GRIP1: variants seen among roughly 807,000 people sequenced by gnomAD.
The protein encoded by GRIP1 is glutamate receptor-interacting protein 1.
In GRIP1, 45 loss-of-function variants were observed where a neutral mutation model predicts 129.9. The observed-to-expected ratio is 0.35, with a 90% confidence interval of 0.27 to 0.44. GRIP1 has a LOEUF of 0.44. Ranked by LOEUF, GRIP1 falls within the 20% of genes least tolerant of loss-of-function variation. GRIP1 has a pLI of 1.00. For synonymous variants in GRIP1, 530 were observed against 520.8 expected, an observed-to-expected ratio of 1.02 and a Z score of -0.24; for missense variants, 1,196 against 1,396.8, an observed-to-expected ratio of 0.86 and a Z score of 2.29.
intron 4 of GRIP1, among the ~76,000 whole-genome samples, chr12:66,531,026 G>A (rs2061425814): frequency 6.6e-6 from 1 of 151,696 alleles, no homozygotes; most frequent in Non-Finnish European, 1.5e-5. Flanking sequence ...CACAAGGTCA[G>A]GAATTCAAGG....
chr12:66,567,721 C>A, intron 2 of GRIP1: 1 of 219,768 alleles, frequency 4.6e-6, no homozygotes, highest in South Asian at 8.0e-5. Context: ...CATTCCCCTT[C>A]AGTTGAGCAG....
At chr12:66,849,100 G>T (rs942839375) in intron 1 of GRIP1, among the ~76,000 whole-genome samples, 1 of 152,038 alleles carries the variant, frequency 6.6e-6, no homozygotes, top group African/African-American at 2.4e-5. Flanking sequence ...TTAACAGCCC[G>T]CAAGACAAAA....
intron 1 of GRIP1, among the ~76,000 whole-genome samples, chr12:66,886,759 C>A (rs1002777902): frequency 6.6e-6 from 1 of 152,110 alleles, no homozygotes; most frequent in Non-Finnish European, 1.5e-5. Flanking sequence ...ATCTATATAT[C>A]ATCATACCAC....
At chr12:66,528,195 C>T (rs2061328323) in intron 5 of GRIP1, among the ~76,000 whole-genome samples, 1 of 136,772 alleles carries the variant, frequency 7.3e-6, no homozygotes, top group African/African-American at 2.8e-5. Flanking sequence ...AGTGCAGTGG[C>T]ACGATCTGGG....
intron 1 of GRIP1, among the ~76,000 whole-genome samples, chr12:66,826,818 C>T (rs1566041047): frequency 6.6e-6 from 1 of 151,894 alleles, no homozygotes; most frequent in Non-Finnish European, 1.5e-5. Context: ...ATTCTCACAT[C>T]CTAAATAGAT....
At chr12:66,419,616 A>G (rs2057733473) in intron 15 of GRIP1, among the ~76,000 whole-genome samples, 1 of 152,174 alleles carries the variant, frequency 6.6e-6, no homozygotes, top group Admixed American at 6.5e-5. Flanking sequence ...AAAAATGGTA[A>G]TAACTGACAA....
intron 1 of GRIP1, among the ~76,000 whole-genome samples, chr12:66,812,780 C>A (rs181089797): frequency 6.6e-6 from 1 of 152,308 alleles, no homozygotes; most frequent in Admixed American, 6.5e-5. Context: ...GGTCCTATTT[C>A]ACATTCTTGC....
chr12:66,733,609 T>C (rs2036507417), intron 1 of GRIP1, among the ~76,000 whole-genome samples: 1 of 152,180 alleles, frequency 6.6e-6, no homozygotes, highest in Non-Finnish European at 1.5e-5. Context: ...CTGGTGACTG[T>C]AGCATCACTA....
chr12:66,832,382 T>A (rs1181660935), intron 1 of GRIP1, among the ~76,000 whole-genome samples: 1 of 152,176 alleles, frequency 6.6e-6, no homozygotes, highest in Non-Finnish European at 1.5e-5. Flanking sequence ...TATAGAGACC[T>A]GGGTTATTTA....
intron 7 of GRIP1, among the ~76,000 whole-genome samples, chr12:66,506,339 G>T (rs1205844936): frequency 6.6e-6 from 1 of 152,096 alleles, no homozygotes; most frequent in East Asian, 1.9e-4. Flanking sequence ...TCACACAATG[G>T]AATACTATAA....
intron 16 of GRIP1, among the ~76,000 whole-genome samples, chr12:66,401,609 T>TATAC (rs1169241331): frequency 1.8e-5 from 2 of 110,176 alleles, no homozygotes; most frequent in African/African-American, 7.5e-5. Context: ...TATATATATA[T>TATAC]ACACACACAC....
chr12:66,523,490 G>A (rs1169294209), intron 5 of GRIP1, among the ~76,000 whole-genome samples: 1 of 151,442 alleles, frequency 6.6e-6, no homozygotes, highest in Non-Finnish European at 1.5e-5. Context: ...GAGAGATTTT[G>A]TCACCACCAG....
chr12:67,051,162 T>A (rs1389061031), intron 1 of GRIP1, among the ~76,000 whole-genome samples: 1 of 152,108 alleles, frequency 6.6e-6, no homozygotes, highest in African/African-American at 2.4e-5. Context: ...ACCAGGAACA[T>A]AGGCAGAGCC....
At chr12:66,993,227 C>T (rs895528750) in intron 1 of GRIP1, among the ~76,000 whole-genome samples, 1 of 151,804 alleles carries the variant, frequency 6.6e-6, no homozygotes, top group African/African-American at 2.4e-5. Flanking sequence ...AAATTTATAG[C>T]TGGAAACACC....
chr12:66,805,833 A>G (rs1185695566), upstream of GRIP1, among the ~76,000 whole-genome samples: 1 of 152,190 alleles, frequency 6.6e-6, no homozygotes, highest in Non-Finnish European at 1.5e-5. Flanking sequence ...CTTTATTCCC[A>G]GAAGTTTCCC....
intron 1 of GRIP1, among the ~76,000 whole-genome samples, chr12:66,996,411 C>G (rs768099209): frequency 1.3e-5 from 2 of 151,844 alleles, no homozygotes; most frequent in Non-Finnish European, 2.9e-5. Context: ...CAAAGAGGTT[C>G]TAGAGGTAGC....
chr12:66,462,121 C>A (rs1353369504), intron 9 of GRIP1, among the ~76,000 whole-genome samples: 4 of 152,128 alleles, frequency 2.6e-5, no homozygotes, highest in Non-Finnish European at 5.9e-5. Context: ...ATACAGATAC[C>A]TTCAGCTGAC....
intron 1 of GRIP1, among the ~76,000 whole-genome samples, chr12:67,029,578 C>A (rs1443255026): frequency 1.5e-3 from 130 of 88,382 alleles, no homozygotes; most frequent in Middle Eastern, 0.012. Context: ...GACCCTGACT[C>A]AAAAAAAAAA....
At chr12:66,520,483 T>C (rs2060967175) in intron 5 of GRIP1, among the ~76,000 whole-genome samples, 2 of 152,206 alleles carry the variant, frequency 1.3e-5, no homozygotes, top group Non-Finnish European at 2.9e-5. Context: ...TACTGGCTTA[T>C]TGTAACTTAA....
Sources: allele counts gnomAD v4.1 joint callset (sites outside exome capture counted in the v4.1 genomes callset), GRCh38; gene constraint gnomAD v4.1.1; transcripts MANE v1.5; gene names NCBI Gene and HGNC (gene_info 2026-07-23, HGNC 2026-07-21).